Variants in IMMP1L observed in about 807,000 individuals in gnomAD.
IMMP1L encodes the protein mitochondrial inner membrane protease subunit 1.
In IMMP1L, 24 loss-of-function variants were observed where a neutral mutation model predicts 21.8. The observed-to-expected ratio is 1.10, with a 90% CI of 0.80 to 1.55. The LOEUF is 1.55. Among genes scored for constraint, IMMP1L ranks in the 40% most tolerant of loss-of-function variants. IMMP1L has a pLI of 0.00. For synonymous variants in IMMP1L, 46 were observed against 62.8 expected (o/e 0.73, Z 1.26); for missense variants, 195 against 200.7 (o/e 0.97, Z 0.17).
chr11:31,498,926 T>C (rs765552987), intron 1 of IMMP1L, among the ~76,000 whole-genome samples: 1 of 152,282 alleles, frequency 6.6e-6, no homozygotes, highest in South Asian at 2.1e-4. Flanking sequence ...AATACATCCA[T>C]GGAGAGAGGA....
At chr11:31,482,924 A>G (rs1954947423) in intron 1 of IMMP1L, among the ~76,000 whole-genome samples, 1 of 152,076 alleles carries the variant, frequency 6.6e-6, no homozygotes, top group Non-Finnish European at 1.5e-5. Flanking sequence ...TATAGAAACT[A>G]CGCAAATGTC....
At chr11:31,446,986 G>A (rs1425999016) in intron 4 of IMMP1L, among the ~76,000 whole-genome samples, 3 of 152,156 alleles carry the variant, frequency 2.0e-5, no homozygotes, top group African/African-American at 7.2e-5. Context: ...CATGCTTCAT[G>A]TGCTCAACAG....
intron 4 of IMMP1L, chr11:31,448,847 G>T: frequency 3.4e-6 from 2 of 593,944 alleles, no homozygotes; most frequent in Non-Finnish European, 4.2e-6. Flanking sequence ...TTATTCTTTA[G>T]TGTTGACATC....
intron 1 of IMMP1L, among the ~76,000 whole-genome samples, chr11:31,493,949 G>T (rs1592035942): frequency 6.6e-6 from 1 of 152,326 alleles, no homozygotes; most frequent in East Asian, 1.9e-4. Context: ...GGCTTTGCAG[G>T]GTACAGCTCC....
chr11:31,476,617 T>C (rs1439484620), intron 1 of IMMP1L, among the ~76,000 whole-genome samples: 1 of 152,038 alleles, frequency 6.6e-6, no homozygotes, highest in East Asian at 1.9e-4. Context: ...ATTTATTTTT[T>C]AAAAGATACA....
At chr11:31,463,944 G>T (rs1954242372) in intron 1 of IMMP1L, among the ~76,000 whole-genome samples, 1 of 151,910 alleles carries the variant, frequency 6.6e-6, no homozygotes, top group Admixed American at 6.6e-5. Flanking sequence ...ACAGCATAAA[G>T]AACCATTTAA....
intron 1 of IMMP1L, among the ~76,000 whole-genome samples, chr11:31,509,013 A>C (rs1955896252): frequency 6.6e-6 from 1 of 152,182 alleles, no homozygotes; most frequent in African/African-American, 2.4e-5. Context: ...ACGACAATTA[A>C]ATGTGTGAAC....
intron 1 of IMMP1L, among the ~76,000 whole-genome samples, chr11:31,471,830 C>A (rs574522477): frequency 6.6e-6 from 1 of 152,266 alleles, no homozygotes; most frequent in South Asian, 2.1e-4. Context: ...CTTAAAACAA[C>A]ACATATTTAT....
intron 4 of IMMP1L, among the ~76,000 whole-genome samples, chr11:31,446,913 A>T (rs987661187): frequency 1.3e-5 from 2 of 152,204 alleles, no homozygotes; most frequent in Non-Finnish European, 2.9e-5. Context: ...CTAGTCATAT[A>T]TGTGGCTATC....
chr11:31,454,449 CAAAAAAAAAAAAA>C (rs71463320), intron 4 of IMMP1L, among the ~76,000 whole-genome samples: 1 of 30,406 alleles, frequency 3.3e-5, no homozygotes, highest in Non-Finnish European at 7.3e-5. Context: ...AAGACCATGT[CAAAAAAAAAAAAA>C]AAAAAAAAAA....
chr11:31,498,504 C>T (rs1362780874), intron 1 of IMMP1L, among the ~76,000 whole-genome samples: 3 of 152,106 alleles, frequency 2.0e-5, no homozygotes, highest in African/African-American at 7.2e-5. Flanking sequence ...CAGTTACTAC[C>T]TCAATTGCTT....
chr11:31,437,047 C>A, intron 4 of IMMP1L: 1 of 340,038 alleles, frequency 2.9e-6, no homozygotes, highest in Non-Finnish European at 5.9e-6. Flanking sequence ...CTAACAAGAT[C>A]TCTATAAAAC....
At chr11:31,459,702 CA>C (rs1400300452) in intron 3 of IMMP1L, among the ~76,000 whole-genome samples, 5 of 152,074 alleles carry the variant, frequency 3.3e-5, no homozygotes, top group Non-Finnish European at 5.9e-5. Flanking sequence ...CTCCCAGGTT[CA>C]AGCAATTCTC....
intron 1 of IMMP1L, among the ~76,000 whole-genome samples, chr11:31,499,850 A>G (rs1955561327): frequency 6.6e-6 from 1 of 152,014 alleles, no homozygotes; most frequent in Non-Finnish European, 1.5e-5. Flanking sequence ...AAGCACAAAC[A>G]TGAGAATGCT....
intron 1 of IMMP1L, among the ~76,000 whole-genome samples, chr11:31,507,345 A>C (rs1167085900): frequency 6.6e-6 from 1 of 152,178 alleles, no homozygotes; most frequent in Non-Finnish European, 1.5e-5. Context: ...TCCTAATTTC[A>C]TGAATACTCT....
chr11:31,496,476 T>C (rs115629580), intron 1 of IMMP1L, among the ~76,000 whole-genome samples: 3 of 152,132 alleles, frequency 2.0e-5, no homozygotes, highest in Admixed American at 2.0e-4. Context: ...TTGTATGGTA[T>C]ATACCCAAAG....
At chr11:31,460,499 C>T in intron 3 of IMMP1L, 127 bp downstream of exon 3, 1 of 594,468 alleles carries the variant, frequency 1.7e-6, no homozygotes, top group Non-Finnish European at 3.0e-6. Context: ...AAAATTTTAT[C>T]TAGCTGGTTA....
chr11:31,509,252 G>A (rs1955911630), intron 1 of IMMP1L, among the ~76,000 whole-genome samples: 1 of 152,100 alleles, frequency 6.6e-6, no homozygotes, highest in Non-Finnish European at 1.5e-5. Flanking sequence ...CAGACGCTCA[G>A]CAACCAACTC....
At chr11:31,462,243 C>G (rs757377622) in intron 2 of IMMP1L, among the ~76,000 whole-genome samples, 3 of 150,142 alleles carry the variant, frequency 2.0e-5, no homozygotes, top group Non-Finnish European at 3.0e-5. Flanking sequence ...TTGAGCCCAG[C>G]AGGCAGAGGC....
Sources: gnomAD v4.1 joint callset for allele counts (sites outside exome capture counted in the v4.1 genomes callset) on GRCh38, gnomAD v4.1.1 for gene constraint, MANE v1.5 for transcripts, NCBI Gene and HGNC (gene_info 2026-07-23, HGNC 2026-07-21) for gene names.